Variants in USP14 observed in about 807,000 individuals in gnomAD.
USP14 encodes ubiquitin carboxyl-terminal hydrolase 14.
In USP14, 38 loss-of-function variants were observed where a neutral mutation model predicts 76.5. The ratio of observed to expected loss-of-function variants is 0.50; its 90% CI spans 0.38 to 0.65. The LOEUF (loss-of-function observed/expected upper bound fraction) is 0.65, where lower values mean the gene tolerates loss of function less well. Ranked by LOEUF, USP14 falls within the 30% of genes least tolerant of loss-of-function variation. The pLI, the probability that USP14 is intolerant of heterozygous loss-of-function variation, is 0.00. For missense variants in USP14, 467 were observed against 586.5 expected, an observed-to-expected ratio of 0.80 and a Z score of 2.10; for synonymous variants, 192 against 191.7, an observed-to-expected ratio of 1.00 and a Z score of -0.01.
intron 5 of USP14, among the ~76,000 whole-genome samples, chr18:186,741 G>T (rs9964035): frequency 0.36 from 54,344 of 151,832 alleles, 10,094 homozygotes; most frequent in South Asian, 0.46. Context: ...GACAGAGGGA[G>T]ACTGTGTCTC....
intron 1 of USP14, among the ~76,000 whole-genome samples, chr18:162,127 T>C (rs1484899011): frequency 6.6e-6 from 1 of 152,214 alleles, no homozygotes; most frequent in Non-Finnish European, 1.5e-5. Context: ...CACATTTTCT[T>C]TGTCCATTAA....
In USP14 at chr18:199,152, T is replaced by C. The variant is rs779073547; in HGVS notation, c.762-50T>C. On this transcript the variant is annotated intron_variant, in intron 9 of 15. Coordinates refer to ENST00000261601, the MANE Select transcript of USP14 (RefSeq NM_005151.4). ...GGATAATGTATTATATTCAAGAGTA[T>C]ATAACAAATTGAATACCCGTTGGCA... 3 of 1,122,406 alleles carry C rather than the reference T, an allele frequency of 2.7e-6. No homozygotes were observed. In the East Asian group the frequency reaches 7.4e-5, roughly 28 times the overall value. The allele number at this position is 1,122,406 out of a possible 1,614,324, so 69.5% of individuals were successfully genotyped here.
chr18:206,339 A>C, intron 13 of USP14, among the ~76,000 whole-genome samples: 1 of 152,098 alleles, frequency 6.6e-6, no homozygotes, highest in East Asian at 1.9e-4. Flanking sequence ...TTTATTTGCT[A>C]TCTGTATATC....
chr18:164,723 G>A (rs1476577584), intron 2 of USP14, among the ~76,000 whole-genome samples: 1 of 152,052 alleles, frequency 6.6e-6, no homozygotes, highest in East Asian at 1.9e-4. Context: ...CAGAGAGCTG[G>A]GATTACAGGC....
intron 7 of USP14, 147 bp downstream of exon 7, chr18:196,914 A>T (rs1419595407): frequency 1.1e-6 from 1 of 930,084 alleles, no homozygotes; most frequent in African/African-American, 2.3e-5. Context: ...GCCGCACAGT[A>T]GTCTTAACTG....
At chr18:161,134 G>T (rs1909108276) in intron 1 of USP14, among the ~76,000 whole-genome samples, 1 of 152,204 alleles carries the variant, frequency 6.6e-6, no homozygotes, top group East Asian at 1.9e-4. Context: ...CACCGTATTG[G>T]CCAGGCTGGT....
At chr18:193,586 A>G (rs936251964) in intron 6 of USP14, among the ~76,000 whole-genome samples, 32 of 152,172 alleles carry the variant, frequency 2.1e-4, no homozygotes, top group Non-Finnish European at 4.3e-4. Context: ...AACATCTAGC[A>G]GTCACCTCCT....
Position 180,291 on chromosome 18 carries a change from C to G in USP14, c.356C>G (p.Thr119Arg). Residue 119 changes from threonine to arginine, a missense_variant, in exon 5 of 16, where the codon ACA becomes AGA. By Grantham distance (71) the Thr-to-Arg change is moderately conservative. Coordinates refer to ENST00000261601, the MANE Select transcript of USP14 (RefSeq NM_005151.4). The stretch of plus-strand genomic sequence containing the variant: ...GGTAACACTTGTTACATGAATGCCA[C>G]AGTTCAGTGTATTCGTTCTGTGCCT... The part of the protein sequence containing the change: ...NLGNTCYMNA[T>R]VQCIRSVPEL... 1 of 1,585,276 alleles carries G rather than the reference C, an allele frequency of 6.3e-7. No individual in the cohort carries two copies. Among genetic ancestry groups the G allele is most frequent in the East Asian group, 2.3e-5 (1 of 43,278 alleles).
At chr18:187,744 A>G (rs1317675379) in intron 5 of USP14, among the ~76,000 whole-genome samples, 2 of 152,210 alleles carry the variant, frequency 1.3e-5, no homozygotes, top group Non-Finnish European at 2.9e-5. Context: ...TTCAAATATC[A>G]GATTTCCATG....
chr18:162,866 T>G (rs1785048), intron 1 of USP14: 1 of 152,926 alleles, frequency 6.5e-6, no homozygotes, highest in Non-Finnish European at 1.5e-5. Context: ...GGCGTGATCT[T>G]GGCTCACTGC....
chr18:196,115 G>C (rs1234870320), intron 6 of USP14, among the ~76,000 whole-genome samples: 2 of 152,042 alleles, frequency 1.3e-5, no homozygotes, highest in Admixed American at 1.3e-4. Flanking sequence ...AAGGTCAGGA[G>C]TTCGAGACCA....
intron 13 of USP14, among the ~76,000 whole-genome samples, chr18:204,951 T>G (rs1285962039): frequency 6.6e-6 from 1 of 151,966 alleles, no homozygotes; most frequent in African/African-American, 2.4e-5. Context: ...TCAGGCTCAC[T>G]GCAGTCTCAA....
chr18:200,201 C>G (rs1458678816), intron 10 of USP14, among the ~76,000 whole-genome samples: 8 of 152,116 alleles, frequency 5.3e-5, no homozygotes, highest in Non-Finnish European at 8.8e-5. Context: ...TTCATGGGCC[C>G]TATAACTTAG....
chr18:174,268 C>CTTTTTTTTTT (rs34265974), intron 3 of USP14, among the ~76,000 whole-genome samples: 1 of 130,556 alleles, frequency 7.7e-6, no homozygotes. Context: ...GTTTTTCTTT[C>CTTTTTTTTTT]TTTTTTTTTT....
intron 5 of USP14, among the ~76,000 whole-genome samples, chr18:181,225 G>A (rs1909780583): frequency 6.6e-6 from 1 of 152,172 alleles, no homozygotes; most frequent in Non-Finnish European, 1.5e-5. Flanking sequence ...TTTTTGTGTA[G>A]ATGAACGTTT....
chr18:211,016 G>C lies in USP14; in HGVS notation c.1334-117G>C, dbSNP rs1910654874. 9 of 1,057,492 alleles carry C rather than the reference G, an allele frequency of 8.5e-6. No individual in the cohort carries two copies. The Admixed American group carries it at 1.7e-4, about 20-fold the overall frequency. 65.5% of individuals were successfully genotyped at this position (1,057,492 alleles called of 1,614,324 possible). ...GTCACTGGGTCGCACTTGGAGGACT[G>C]TTGGTGTGGCCAGTGGAGCACTGCT... On this transcript the variant is annotated intron_variant, in intron 15 of 15. Transcript: ENST00000261601.
intron 6 of USP14, 140 bp from the exon 7 acceptor site, chr18:196,497 C>G: frequency 1.1e-6 from 1 of 886,044 alleles, no homozygotes; most frequent in Admixed American, 3.2e-5. Flanking sequence ...GCACTCCAGC[C>G]TGGGCAACGG....
At position 204,451 on chromosome 18, in the gene USP14, A is replaced by AT. The variant is rs1910470396; in HGVS notation, c.1036-109dup. ...GCAGATTTCCAAGTGATTTTCACAGATTTTATTTTCAACTGTATCTGAATT... is the reference window on the plus strand; with the variant it reads ...GCAGATTTCCAAGTGATTTTCACAGATTTTTATTTTCAACTGTATCTGAATT... On this transcript the variant is annotated intron_variant, in intron 12 of 15. Transcript: ENST00000261601. 11 of 1,003,820 alleles carry AT rather than the reference A, an allele frequency of 1.1e-5. No homozygotes were observed. In the South Asian group the frequency reaches 2.5e-4, roughly 23 times the overall value. 62.2% of individuals were successfully genotyped at this position (1,003,820 alleles called of 1,614,324 possible).
intron 3 of USP14, among the ~76,000 whole-genome samples, chr18:168,082 C>T (rs1276613353): frequency 4.0e-5 from 6 of 151,734 alleles, no homozygotes; most frequent in East Asian, 2.0e-4. Context: ...CCCACCACCA[C>T]GCCCAGCTAA....
Sources: gnomAD v4.1 joint callset for allele counts (sites outside exome capture counted in the v4.1 genomes callset) on GRCh38, gnomAD v4.1.1 for gene constraint, MANE v1.5 for transcripts, NCBI Gene and HGNC (gene_info 2026-07-23, HGNC 2026-07-21) for gene names.